Variants in DOCK3 observed in about 807,000 individuals in gnomAD.
DOCK3 encodes dedicator of cytokinesis 3.
Under a neutral mutation model 265.6 loss-of-function variants are expected in DOCK3, and 60 were observed. The observed-to-expected ratio is 0.23, with a 90% CI of 0.18 to 0.28. The LOEUF (loss-of-function observed/expected upper bound fraction) is 0.28. Ranked by LOEUF, DOCK3 falls within the 10% of genes least tolerant of loss-of-function variation. The pLI, the probability that DOCK3 is intolerant of heterozygous loss-of-function variation, is 1.00. For missense variants in DOCK3, 1,981 were observed against 2,594.3 expected, an observed-to-expected ratio of 0.76 and a Z score of 5.14; for synonymous variants, 881 against 938.0, an observed-to-expected ratio of 0.94 and a Z score of 1.11.
chr3:51,233,385 A>G (rs911794208), intron 19 of DOCK3, among the ~76,000 whole-genome samples: 1 of 148,684 alleles, frequency 6.7e-6, no homozygotes, highest in Non-Finnish European at 1.5e-5. Flanking sequence ...TATTTATTTG[A>G]GATGGAGTCT....
intron 14 of DOCK3, among the ~76,000 whole-genome samples, chr3:51,219,703 A>G (rs2089979049): frequency 6.6e-6 from 1 of 152,240 alleles, no homozygotes; most frequent in African/African-American, 2.4e-5. Context: ...ACTTCACATG[A>G]AAAGGCAAAC....
intron 1 of DOCK3, among the ~76,000 whole-genome samples, chr3:50,717,138 G>C (rs750733244): frequency 7.9e-5 from 12 of 152,090 alleles, no homozygotes; most frequent in Non-Finnish European, 1.5e-4. Context: ...AATTTAACCA[G>C]TTCTCTATTA....
intron 21 of DOCK3, among the ~76,000 whole-genome samples, chr3:51,239,660 A>T (rs1244928846): frequency 2.7e-5 from 4 of 146,820 alleles, no homozygotes; most frequent in Non-Finnish European, 6.0e-5. Context: ...TGGGGATTCC[A>T]TTTCTTCTTG....
intron 5 of DOCK3, among the ~76,000 whole-genome samples, chr3:51,013,147 C>G (rs535156626): frequency 4.1e-4 from 62 of 152,178 alleles, no homozygotes; most frequent in Non-Finnish European, 8.2e-4. Flanking sequence ...AAGCCTACTT[C>G]TGTCACCTTG....
chr3:50,973,802 T>A (rs1163332482), intron 5 of DOCK3, among the ~76,000 whole-genome samples: 1 of 127,804 alleles, frequency 7.8e-6, no homozygotes, highest in Non-Finnish European at 1.6e-5. Context: ...CAGCACCTGT[T>A]GTTTCCTGAC....
intron 49 of DOCK3, among the ~76,000 whole-genome samples, chr3:51,373,384 C>T (rs1453768460): frequency 6.6e-6 from 1 of 152,192 alleles, no homozygotes; most frequent in Non-Finnish European, 1.5e-5. Flanking sequence ...ACCAATAGAG[C>T]CAGGCAGAGG....
In DOCK3 at chr3:51,145,598, A is replaced by T. The variant is rs145566848; in HGVS notation, c.747-951A>T. 7.9e-3 allele frequency among the ~76,000 whole-genome samples: 1,204 copies of T among 152,056 alleles called. 17 individuals are homozygous for T. Among genetic ancestry groups the T allele is most frequent in the African/African-American group, 0.027 (1,119 of 41,482 alleles). On this transcript the variant is annotated intron_variant, in intron 9 of 52. Coordinates refer to ENST00000266037, the MANE Select transcript of DOCK3 (RefSeq NM_004947.5). ...CTTAAAACATCGTGAGATTTTTTTT[A>T]TTTTTATTTTTATTTTTTAGCTCAT...
At chr3:51,245,260 C>G (rs76283315) in intron 21 of DOCK3, among the ~76,000 whole-genome samples, 4 of 152,090 alleles carry the variant, frequency 2.6e-5, no homozygotes, top group African/African-American at 7.2e-5. Flanking sequence ...TTGCTTGGAC[C>G]CTGGAGGTGG....
chr3:51,023,624 C>A (rs2079690608), intron 5 of DOCK3, among the ~76,000 whole-genome samples: 1 of 152,116 alleles, frequency 6.6e-6, no homozygotes, highest in African/African-American at 2.4e-5. Flanking sequence ...TCATGTTGGC[C>A]AGGCTAGTCT....
chr3:51,195,681 G>A (rs1053265351), intron 12 of DOCK3, among the ~76,000 whole-genome samples: 1 of 151,888 alleles, frequency 6.6e-6, no homozygotes, highest in Admixed American at 6.6e-5. Flanking sequence ...GCCTCCCAAA[G>A]TTCTGGGATT....
At position 51,067,062 on chromosome 3, in the gene DOCK3, CTT is replaced by C. The variant is rs1210640364; in HGVS notation, c.464+2470_464+2471del. On this transcript the variant is annotated intron_variant, in intron 6 of 52. Transcript: ENST00000266037. The stretch of plus-strand genomic sequence containing the variant: ...ATTTTTATGTTATGAAATTATGTCA[CTT>C]TTTATTTTTAAGTCAATGATAAGAA... Among the ~76,000 whole-genome samples, 3 of 152,142 alleles carry C rather than the reference CTT, an allele frequency of 2.0e-5. No homozygotes were observed. The East Asian group carries it at 5.8e-4, about 29-fold the overall frequency.
At chr3:51,089,751 A>T (rs2082565524) in intron 8 of DOCK3, among the ~76,000 whole-genome samples, 1 of 151,846 alleles carries the variant, frequency 6.6e-6, no homozygotes, top group South Asian at 2.1e-4. Flanking sequence ...AAAATAAAAA[A>T]ATTAGCTGGG....
At chr3:51,267,137 A>G (rs1200435582) in intron 23 of DOCK3, among the ~76,000 whole-genome samples, 1 of 152,232 alleles carries the variant, frequency 6.6e-6, no homozygotes, top group Non-Finnish European at 1.5e-5. Context: ...CACACTAGTT[A>G]GAATGGCGAT....
intron 5 of DOCK3, among the ~76,000 whole-genome samples, chr3:51,037,608 T>C (rs1205432856): frequency 6.6e-6 from 1 of 152,214 alleles, no homozygotes; most frequent in African/African-American, 2.4e-5. Context: ...TTAATTTCAT[T>C]AAATTACCTC....
chr3:51,152,095 A>C (rs960899232), intron 10 of DOCK3, among the ~76,000 whole-genome samples: 8 of 152,114 alleles, frequency 5.3e-5, no homozygotes, highest in Admixed American at 4.6e-4. Context: ...AGTGTTTTCC[A>C]GCTTGGTTCC....
At chr3:50,999,521 A>G (rs1270382897) in intron 5 of DOCK3, among the ~76,000 whole-genome samples, 2 of 152,092 alleles carry the variant, frequency 1.3e-5, no homozygotes, top group African/African-American at 2.4e-5. Context: ...CTCTCCTTAT[A>G]CCCTAGGTTT....
At chr3:50,901,283 A>G (rs2049179665) in intron 4 of DOCK3, among the ~76,000 whole-genome samples, 1 of 152,064 alleles carries the variant, frequency 6.6e-6, no homozygotes, top group Non-Finnish European at 1.5e-5. Flanking sequence ...TGAGGGGAAA[A>G]CTGCCTACTC....
intron 12 of DOCK3, among the ~76,000 whole-genome samples, chr3:51,165,095 C>G (rs765535994): frequency 1.3e-5 from 2 of 152,028 alleles, no homozygotes; most frequent in African/African-American, 4.8e-5. Context: ...CTCGCTGCCA[C>G]GCCCGGCTAA....
intron 10 of DOCK3, among the ~76,000 whole-genome samples, chr3:51,148,149 G>C (rs1038004414): frequency 2.6e-5 from 4 of 152,216 alleles, no homozygotes; most frequent in African/African-American, 4.8e-5. Flanking sequence ...CTTTTGAGAA[G>C]TGTCTGCTCA....
Sources: gnomAD v4.1 joint callset for allele counts (sites outside exome capture counted in the v4.1 genomes callset) on GRCh38, gnomAD v4.1.1 for gene constraint, MANE v1.5 for transcripts, NCBI Gene and HGNC (gene_info 2026-07-23, HGNC 2026-07-21) for gene names.